Variants in FZD7 observed in about 807,000 individuals in gnomAD.
The protein encoded by FZD7 is frizzled class receptor 7.
In FZD7, 21 loss-of-function variants were observed where a neutral mutation model predicts 39.0. That is an observed-to-expected ratio of 0.54 (90% CI 0.38 to 0.78). The LOEUF (loss-of-function observed/expected upper bound fraction) is 0.78, where lower values mean the gene tolerates loss of function less well. Among genes scored for constraint, FZD7 ranks in the 30% least tolerant of loss-of-function variants. FZD7 has a pLI of 0.00. For synonymous variants in FZD7, 428 were observed against 364.9 expected (o/e 1.17, Z -1.97); for missense variants, 695 against 805.0 (o/e 0.86, Z 1.65).
chr2:202,035,587 G>A lies in FZD7; in HGVS notation c.940G>A (p.Val314Met). The change falls in exon 1 of 1, where the codon GTG (valine) becomes ATG (methionine). Residue 314 changes from valine to methionine, a missense_variant. By Grantham distance (21) the Val-to-Met change is conservative. Coordinates refer to ENST00000286201, the MANE Select transcript of FZD7 (RefSeq NM_003507.2). ...VAGFLLEDRAVCVERFSDDGY... is the reference protein window; with the variant it reads ...VAGFLLEDRAMCVERFSDDGY... ...CGGCTTCCTTCTAGAGGACCGCGCCGTGTGCGTGGAGCGCTTCTCGGACGA... is the reference window on the plus strand; with the variant it reads ...CGGCTTCCTTCTAGAGGACCGCGCCATGTGCGTGGAGCGCTTCTCGGACGA... The A allele has an allele frequency of 6.2e-7, 1 of 1,614,082 alleles. No individual in the cohort carries two copies. Among genetic ancestry groups the A allele is most frequent in the Non-Finnish European group, 8.5e-7 (1 of 1,180,012 alleles).
At position 202,036,666 on chromosome 2, in the gene FZD7, T is replaced by C. The variant is rs1312718334; in HGVS notation, c.*294T>C. ...GGGCCAGCTTGTGCCTAATAGAAGG[T>C]TGAGACCAGCAGAGACTGCTGTGAG... On this transcript the variant is annotated 3_prime_UTR_variant, in exon 1 of 1. Coordinates refer to ENST00000286201, the MANE Select transcript of FZD7 (RefSeq NM_003507.2). The C allele has an allele frequency of 7.2e-6, 3 of 417,582 alleles. No homozygotes were observed. The highest frequency in any genetic ancestry group is 8.0e-5 in the Admixed American group (2 of 24,946). 25.9% of individuals were successfully genotyped at this position (417,582 alleles called of 1,614,324 possible).
Position 202,035,558 on chromosome 2 carries a change from T to G in FZD7, c.911T>G (p.Val304Gly). The change falls in exon 1 of 1, where the codon GTG becomes GGG. Residue 304 changes from valine (V) to glycine (G), a missense_variant. Transcript: ENST00000286201. ...TACTTCATGGTGGCCGTGGCGCACG[T>G]GGCCGGCTTCCTTCTAGAGGACCGC... The part of the protein sequence containing the change: ...GCYFMVAVAH[V>G]AGFLLEDRAV... 6.2e-7 allele frequency: 1 copy of G among 1,614,132 alleles called. No homozygotes were observed. The highest frequency in any genetic ancestry group is 8.5e-7 in the Non-Finnish European group (1 of 1,180,024).
In FZD7 at chr2:202,036,413, C is replaced by T; in HGVS notation, c.*41C>T. On this transcript the variant is annotated 3_prime_UTR_variant, in exon 1 of 1. Coordinates refer to ENST00000286201, the MANE Select transcript of FZD7 (RefSeq NM_003507.2). The stretch of plus-strand genomic sequence containing the variant: ...CACCTTTCCCACCCCAGCCCTCTTG[C>T]AAGAGGAGAGGCACGGTAGGGAAAA... 2 of 1,488,288 alleles carry T rather than the reference C, an allele frequency of 1.3e-6. No individual in the cohort carries two copies. The highest frequency in any genetic ancestry group is 1.8e-6 in the Non-Finnish European group (2 of 1,084,800). The allele number at this position is 1,488,288 out of a possible 1,614,324, so 92.2% of individuals were successfully genotyped here. A position where few individuals can be genotyped will look rare whatever the true frequency, so the allele number is the denominator to read the frequency against.
chr2:202,035,678 A>G lies in FZD7; in HGVS notation c.1031A>G (p.Tyr344Cys). ...TGCACCATCCTCTTCATGGTGCTCT[A>G]CTTCTTCGGCATGGCCAGCTCCATC... ...EGCTILFMVL[Y>C]FFGMASSIWW... is the part of the protein sequence containing the mutation. The change falls in exon 1 of 1, where the codon TAC becomes TGC. Residue 344 changes from tyrosine (Y) to cysteine (C), a missense_variant. Physicochemically the swap from Tyr to Cys is radical, Grantham distance 194. Transcript: ENST00000286201. 1 of 1,613,984 alleles carries G rather than the reference A, an allele frequency of 6.2e-7. No individual in the cohort carries two copies. Among genetic ancestry groups the G allele is most frequent in the Non-Finnish European group, 8.5e-7 (1 of 1,180,020 alleles).
In FZD7 at chr2:202,035,013, T is replaced by A; in HGVS notation, c.366T>A (p.Ser122=). The A allele has an allele frequency of 1.2e-6, 2 of 1,613,698 alleles. No homozygotes were observed. Among genetic ancestry groups the A allele is most frequent in the Non-Finnish European group, 1.7e-6 (2 of 1,179,988 alleles). The change falls in exon 1 of 1, where the codon TCT becomes TCA. Residue 122 remains serine, a synonymous_variant. Coordinates refer to ENST00000286201, the MANE Select transcript of FZD7 (RefSeq NM_003507.2). ...VLDQAIPPCR[S]LCERARQGCE... ...ATCAGGCCATCCCGCCGTGTCGTTC[T>A]CTGTGCGAGCGCGCCCGCCAGGGCT...
chr2:202,035,031 C>T lies in FZD7; in HGVS notation c.384C>T (p.Arg128=), dbSNP rs780177407. ...GTCGTTCTCTGTGCGAGCGCGCCCGCCAGGGCTGCGAGGCGCTCATGAACA... is the reference window on the plus strand; with the variant it reads ...GTCGTTCTCTGTGCGAGCGCGCCCGTCAGGGCTGCGAGGCGCTCATGAACA... The part of the protein sequence containing the change: ...PPCRSLCERA[R]QGCEALMNKF... The change falls in exon 1 of 1, where the codon CGC becomes CGT. Residue 128 remains arginine, a synonymous_variant. Coordinates refer to ENST00000286201, the MANE Select transcript of FZD7 (RefSeq NM_003507.2). 3.8e-5 allele frequency: 62 copies of T among 1,613,290 alleles called. 1 individual carries two copies. The Middle Eastern group carries it at 4.9e-4, about 13-fold the overall frequency.
chr2:202,034,551 T>G lies in FZD7; in HGVS notation c.-97T>G. 9.1e-7 allele frequency: 1 copy of G among 1,097,052 alleles called. No homozygotes were observed. Among genetic ancestry groups the G allele is most frequent in the South Asian group, 1.6e-5 (1 of 61,632 alleles). 68.0% of individuals were successfully genotyped at this position (1,097,052 alleles called of 1,614,324 possible). On this transcript the variant is annotated 5_prime_UTR_variant, in exon 1 of 1. It removes an upstream start codon present in the reference 5' UTR. Transcript: ENST00000286201. Reference sequence around the variant, plus strand: ...GGCCCCGGCGCCGTGAGGACTCTCATGCGTCGGGCGCGGCGGCGCCTCCCC... The same window carrying G: ...GGCCCCGGCGCCGTGAGGACTCTCAGGCGTCGGGCGCGGCGGCGCCTCCCC...
At position 202,036,322 on chromosome 2, in the gene FZD7, C is replaced by A. The variant is rs761575550; in HGVS notation, c.1675C>A (p.Arg559Ser). 6.2e-7 allele frequency: 1 copy of A among 1,613,070 alleles called. No homozygotes were observed. The highest frequency in any genetic ancestry group is 8.5e-7 in the Non-Finnish European group (1 of 1,179,962). The change falls in exon 1 of 1, where the codon CGC (arginine) becomes AGC (serine). Residue 559 changes from arginine (R) to serine (S), a missense_variant. Coordinates refer to ENST00000286201, the MANE Select transcript of FZD7 (RefSeq NM_003507.2). ...WSGKTLQSWRRFYHRLSHSSK... is the reference protein window; with the variant it reads ...WSGKTLQSWRSFYHRLSHSSK... The stretch of plus-strand genomic sequence containing the variant: ...GGGCAAGACCCTGCAGTCGTGGCGC[C>A]GCTTCTACCACAGACTTAGCCACAG...
Position 202,035,252 on chromosome 2 carries a change from G to C in FZD7, c.605G>C (p.Gly202Ala). The change falls in exon 1 of 1, where the codon GGG (glycine) becomes GCG (alanine). Residue 202 changes from glycine (G) to alanine (A), a missense_variant. Coordinates refer to ENST00000286201, the MANE Select transcript of FZD7 (RefSeq NM_003507.2). The stretch of plus-strand genomic sequence containing the variant: ...CCCCCGGGGGCCTCAGATGGCAGGG[G>C]GCGTCCCGCCTTCCCCTTCTCATGC... ...ALPPGASDGR[G>A]RPAFPFSCPR... The C allele has an allele frequency of 6.2e-7, 1 of 1,601,820 alleles. No individual in the cohort carries two copies.
In FZD7 at chr2:202,034,081, T is replaced by C. The variant is rs1193336254; in HGVS notation, c.-567T>C. 2.0e-5 allele frequency among the ~76,000 whole-genome samples: 3 copies of C among 151,612 alleles called. No homozygotes were observed. Among genetic ancestry groups the C allele is most frequent in the African/African-American group, 7.3e-5 (3 of 41,290 alleles). On this transcript the variant is annotated 5_prime_UTR_variant, in exon 1 of 1. Coordinates refer to ENST00000286201, the MANE Select transcript of FZD7 (RefSeq NM_003507.2). ...AAGAGCCGGCCGTTTGGCTGAAACTTGGGGCCGAGCTTTTGGGGCTGAAGA... is the reference window on the plus strand; with the variant it reads ...AAGAGCCGGCCGTTTGGCTGAAACTCGGGGCCGAGCTTTTGGGGCTGAAGA...
Position 202,036,046 on chromosome 2 carries a change from C to T in FZD7, c.1399C>T (p.Leu467Phe). Residue 467 changes from leucine to phenylalanine, a missense_variant, in exon 1 of 1, where the codon CTC becomes TTC. Leu to Phe is a conservative substitution (Grantham distance 22). Coordinates refer to ENST00000286201, the MANE Select transcript of FZD7 (RefSeq NM_003507.2). ...CACCAAGACCGAGAAGCTGGAGAAG[C>T]TCATGGTGCGCATCGGCGTCTTCAG... ...DGTKTEKLEK[L>F]MVRIGVFSVL... is the part of the protein sequence containing the mutation. 1.9e-6 allele frequency: 3 copies of T among 1,614,164 alleles called. No individual in the cohort carries two copies. Among genetic ancestry groups the T allele is most frequent in the South Asian group, 1.1e-5 (1 of 91,078 alleles).
At position 202,035,195 on chromosome 2, in the gene FZD7, C is replaced by T. The variant is rs768746616; in HGVS notation, c.548C>T (p.Pro183Leu). ...GGCCCCACTGCCTACCCTACCGCGC[C>T]CTACCTGCCGGACCTGCCCTTCACC... is the stretch of plus-strand genomic sequence containing the variant. ...GGGPTAYPTA[P>L]YLPDLPFTAL... The change falls in exon 1 of 1, where the codon CCC becomes CTC. Residue 183 changes from proline (P) to leucine (L), a missense_variant. Physicochemically the swap from Pro to Leu is moderately conservative, Grantham distance 98 (BLOSUM62 -3). Transcript: ENST00000286201. 1 of 1,600,220 alleles carries T rather than the reference C, an allele frequency of 6.2e-7. No individual in the cohort carries two copies. Among genetic ancestry groups the T allele is most frequent in the Non-Finnish European group, 8.5e-7 (1 of 1,179,288 alleles).
At position 202,036,348 on chromosome 2, in the gene FZD7, C is replaced by A; in HGVS notation, c.1701C>A (p.Ser567Arg). The A allele has an allele frequency of 6.2e-7, 1 of 1,612,292 alleles. No homozygotes were observed. Among genetic ancestry groups the A allele is most frequent in the South Asian group, 1.1e-5 (1 of 91,026 alleles). ...WRRFYHRLSHSSKGETAV is the reference protein window; with the variant it reads ...WRRFYHRLSHRSKGETAV ...GCTTCTACCACAGACTTAGCCACAG[C>A]AGCAAGGGGGAGACTGCGGTATGAG... Residue 567 changes from serine (S) to arginine (R), a missense_variant, in exon 1 of 1, where the codon AGC becomes AGA. Ser to Arg is a moderately radical substitution (Grantham distance 110). Coordinates refer to ENST00000286201, the MANE Select transcript of FZD7 (RefSeq NM_003507.2).
In FZD7 at chr2:202,034,787, G is replaced by A. The variant is rs1320755268; in HGVS notation, c.140G>A (p.Gly47Asp). The change falls in exon 1 of 1, where the codon GGC (glycine) becomes GAC (aspartate). Residue 47 changes from glycine (G) to aspartate (D), a missense_variant. Physicochemically the swap from Gly to Asp is moderately conservative, Grantham distance 94. Coordinates refer to ENST00000286201, the MANE Select transcript of FZD7 (RefSeq NM_003507.2). ...AAGGGCATCTCCGTGCCGGACCACG[G>A]CTTCTGCCAGCCCATCTCCATCCCG... ...GEKGISVPDH[G>D]FCQPISIPLC... 3 of 1,612,968 alleles carry A rather than the reference G, an allele frequency of 1.9e-6. No homozygotes were observed.
At position 202,036,495 on chromosome 2, in the gene FZD7, C is replaced by T; in HGVS notation, c.*123C>T. 5 of 767,598 alleles carry T rather than the reference C, an allele frequency of 6.5e-6. No individual in the cohort carries two copies. The highest frequency in any genetic ancestry group is 7.3e-4 in the Middle Eastern group (2 of 2,732). 47.5% of individuals were successfully genotyped at this position (767,598 alleles called of 1,614,324 possible). A position where few individuals can be genotyped will look rare whatever the true frequency, so the allele number is the denominator to read the frequency against. On this transcript the variant is annotated 3_prime_UTR_variant, in exon 1 of 1. Transcript: ENST00000286201. ...TTTCTCCCCCTCTACTGAGAAGTGACCTGGAAGTGAGAAGTTCTTTGCAGA... is the reference window on the plus strand; with the variant it reads ...TTTCTCCCCCTCTACTGAGAAGTGATCTGGAAGTGAGAAGTTCTTTGCAGA...
Position 202,036,972 on chromosome 2 carries a change from C to G in FZD7, c.*600C>G, listed in dbSNP as rs1031945178. The G allele has an allele frequency of 1.8e-5, 3 of 167,512 alleles. No individual in the cohort carries two copies. Among genetic ancestry groups the G allele is most frequent in the Non-Finnish European group, 4.4e-5 (3 of 68,458 alleles). The allele number at this position is 167,512 out of a possible 1,614,324, so 10.4% of individuals were successfully genotyped here. The stretch of plus-strand genomic sequence containing the variant: ...GCCCCCTCCCGCCTGTTTTTCCTCC[C>G]GTACTGCTTTCAGGTCTTGTAAAAT... On this transcript the variant is annotated 3_prime_UTR_variant, in exon 1 of 1. Coordinates refer to ENST00000286201, the MANE Select transcript of FZD7 (RefSeq NM_003507.2).
chr2:202,034,113 G>C lies in FZD7; in HGVS notation c.-535G>C, dbSNP rs1250170166. On this transcript the variant is annotated 5_prime_UTR_variant, in exon 1 of 1. Transcript: ENST00000286201. ...GAGCTTTTGGGGCTGAAGAAGGAGC[G>C]GGGTGTGGAGGAGGAGGCGAAGGAG... Among the ~76,000 whole-genome samples, 1 of 151,878 alleles carries C rather than the reference G, an allele frequency of 6.6e-6. No individual in the cohort carries two copies. The highest frequency in any genetic ancestry group is 1.5e-5 in the Non-Finnish European group (1 of 67,934).
In FZD7 at chr2:202,035,893, T is replaced by G. The variant is rs1688732903; in HGVS notation, c.1246T>G (p.Ser416Ala). Residue 416 changes from serine to alanine, a missense_variant, in exon 1 of 1, where the codon TCC becomes GCC. Physicochemically the swap from Ser to Ala is moderately conservative, Grantham distance 99. Transcript: ENST00000286201. ...LLSGVCYVGL[S>A]SVDALRGFVL... ...GAGCGGGGTGTGCTACGTTGGCCTCTCCAGTGTGGACGCGCTGCGGGGCTT... is the reference window on the plus strand; with the variant it reads ...GAGCGGGGTGTGCTACGTTGGCCTCGCCAGTGTGGACGCGCTGCGGGGCTT... 6.2e-7 allele frequency: 1 copy of G among 1,614,000 alleles called. No individual in the cohort carries two copies. The highest frequency in any genetic ancestry group is 1.3e-5 in the African/African-American group (1 of 74,932).
At position 202,034,352 on chromosome 2, in the gene FZD7, C is replaced by A. The variant is rs1460347033; in HGVS notation, c.-296C>A. 6.6e-6 allele frequency among the ~76,000 whole-genome samples: 1 copy of A among 151,764 alleles called. No homozygotes were observed. The highest frequency in any genetic ancestry group is 2.4e-5 in the African/African-American group (1 of 41,378). On this transcript the variant is annotated 5_prime_UTR_variant, in exon 1 of 1. Coordinates refer to ENST00000286201, the MANE Select transcript of FZD7 (RefSeq NM_003507.2). ...TTGCTCCTCGCGGCGGAGGGAGCCG[C>A]ACCGTTACGTCCCCGCGGGGAGAGC...
Sources: allele counts gnomAD v4.1 joint callset (sites outside exome capture counted in the v4.1 genomes callset), GRCh38; gene constraint gnomAD v4.1.1; transcripts MANE v1.5; gene names NCBI Gene and HGNC (gene_info 2026-07-23, HGNC 2026-07-21).